Variants in BSN observed in about 807,000 individuals in gnomAD.
BSN encodes the protein protein bassoon.
BSN carries 57 observed loss-of-function variants against 264.8 expected under a neutral mutation model. The ratio of observed to expected loss-of-function variants is 0.22; its 90% confidence interval spans 0.17 to 0.27. The LOEUF (loss-of-function observed/expected upper bound fraction) is 0.27, where lower values mean the gene tolerates loss of function less well. Among genes scored for constraint, BSN ranks in the 10% least tolerant of loss-of-function variants. The probability of loss-of-function intolerance (pLI) is 1.00; values close to 1 mark genes in which losing one functional copy is unlikely to be tolerated. For missense variants in BSN, 4,615 were observed against 5,232.5 expected (o/e 0.88, Z 3.64); for synonymous variants, 2,059 against 2,137.3 (o/e 0.96, Z 1.01).
In BSN at chr3:49,657,064, C is replaced by A. The variant is rs777499886; in HGVS notation, c.7508C>A (p.Pro2503His). 7.5e-6 allele frequency: 12 copies of A among 1,609,412 alleles called. No homozygotes were observed. Among genetic ancestry groups the A allele is most frequent in the African/African-American group, 1.3e-5 (1 of 74,870 alleles). Residue 2503 changes from proline (P) to histidine (H), a missense_variant, in exon 5 of 12, where the codon CCC (proline) becomes CAC (histidine). Physicochemically the swap from Pro to His is moderately conservative, Grantham distance 77. Transcript: ENST00000296452. ...TTGGCCCAGAATGGCCAGTATTGGC[C>A]CCCCCTTACACATGCAGCCTTCATT... ...AELAQNGQYWPPLTHAAFIAM... is the reference protein window; with the variant it reads ...AELAQNGQYWHPLTHAAFIAM...
intron 2 of BSN, chr3:49,640,782 G>A (rs190241740): frequency 6.6e-6 from 1 of 152,410 alleles, no homozygotes; most frequent in Admixed American, 6.5e-5. Context: ...TTACAGGTGT[G>A]AGCCACCGCA....
At chr3:49,662,617 T>A in intron 6 of BSN, 55 bp downstream of exon 6, 1 of 1,539,808 alleles carries the variant, frequency 6.5e-7, no homozygotes, top group Non-Finnish European at 8.7e-7. Flanking sequence ...GGGGCCTGCC[T>A]ACCTGTGGGG....
At position 49,665,218 on chromosome 3, in the gene BSN, A is replaced by C. The variant is rs1386948424; in HGVS notation, c.*15-11A>C. The C allele has an allele frequency of 4.6e-5, 9 of 197,302 alleles. No individual in the cohort carries two copies. Among genetic ancestry groups the C allele is most frequent in the Non-Finnish European group, 7.2e-5 (7 of 97,608 alleles). The allele number at this position is 197,302 out of a possible 1,614,324, so 12.2% of individuals were successfully genotyped here. A position where few individuals can be genotyped will look rare whatever the true frequency, so the allele number is the denominator to read the frequency against. On this transcript the variant is annotated splice_polypyrimidine_tract_variant and intron_variant, in intron 10 of 11. Transcript: ENST00000296452. ...CAACTCCTCTCCAGCCCTCCTCTAA[A>C]TGCTCCACAGGCTCTTGAAGAAATG...
chr3:49,562,774 G>C (rs1259428170), intron 1 of BSN, among the ~76,000 whole-genome samples: 1 of 152,192 alleles, frequency 6.6e-6, no homozygotes, highest in Non-Finnish European at 1.5e-5. Flanking sequence ...GAGTGGGAAA[G>C]GGTCAGAAAG....
intron 3 of BSN, among the ~76,000 whole-genome samples, chr3:49,648,453 G>GCT (rs1247252760): frequency 5.9e-5 from 9 of 152,210 alleles, no homozygotes; most frequent in Admixed American, 5.9e-4. Context: ...CATTTCCAGA[G>GCT]CTCTCTCTCT....
chr3:49,588,269 T>A (rs2051951387), intron 1 of BSN, among the ~76,000 whole-genome samples: 1 of 152,102 alleles, frequency 6.6e-6, no homozygotes, highest in Non-Finnish European at 1.5e-5. Flanking sequence ...CAAATTGACC[T>A]TAGGTTCCCT....
At chr3:49,574,445 C>CT (rs2051825033) in intron 1 of BSN, among the ~76,000 whole-genome samples, 1 of 151,842 alleles carries the variant, frequency 6.6e-6, no homozygotes, top group Non-Finnish European at 1.5e-5. Flanking sequence ...CACATGGTAG[C>CT]TTTTTTCAGG....
Position 49,661,332 on chromosome 3 carries a change from G to T in BSN, c.9487G>T (p.Val3163Leu). 2 of 1,613,966 alleles carry T rather than the reference G, an allele frequency of 1.2e-6. No individual in the cohort carries two copies. The highest frequency in any genetic ancestry group is 1.7e-6 in the Non-Finnish European group (2 of 1,180,042). Residue 3163 changes from valine to leucine, a missense_variant, in exon 6 of 12, where the codon GTG becomes TTG. By Grantham distance (32) the Val-to-Leu change is conservative. Coordinates refer to ENST00000296452, the MANE Select transcript of BSN (RefSeq NM_003458.4). ...GCAGAAGGTGCCCACCAACTATGAG[G>T]TGATCGCCAGCCCCGTTGTGCCCAT... ...LEQKVPTNYE[V>L]IASPVVPMSS...
chr3:49,577,474 C>T (rs1352418926), intron 1 of BSN, among the ~76,000 whole-genome samples: 5 of 152,016 alleles, frequency 3.3e-5, no homozygotes, highest in African/African-American at 7.2e-5. Context: ...CAGGCCAGGT[C>T]CTAGCCTTGC....
chr3:49,651,640 G>T lies in BSN; in HGVS notation c.2084G>T (p.Ser695Ile). 1 of 1,614,182 alleles carries T rather than the reference G, an allele frequency of 6.2e-7. No individual in the cohort carries two copies. Among genetic ancestry groups the T allele is most frequent in the Non-Finnish European group, 8.5e-7 (1 of 1,180,032 alleles). ...YSSDGISSSQSEITGVVQQEV... is the reference protein window; with the variant it reads ...YSSDGISSSQIEITGVVQQEV... Reference sequence around the variant, plus strand: ...TCTGACGGCATCTCTAGCTCCCAGAGTGAGATCACAGGAGTCGTGCAGCAG... The same window carrying T: ...TCTGACGGCATCTCTAGCTCCCAGATTGAGATCACAGGAGTCGTGCAGCAG... The change falls in exon 5 of 12, where the codon AGT becomes ATT. Residue 695 changes from serine (S) to isoleucine (I), a missense_variant. Around this residue, in one of 3 missense-constraint regions of BSN, gnomAD observed 1,197 missense variants for 1,348.0 expected, o/e 0.89. Coordinates refer to ENST00000296452, the MANE Select transcript of BSN (RefSeq NM_003458.4). The surrounding 1 kb of genome is among the most constrained non-coding windows in gnomAD (Gnocchi z 5.4).
At chr3:49,622,753 A>G (rs1228675652) in intron 1 of BSN, among the ~76,000 whole-genome samples, 1 of 152,216 alleles carries the variant, frequency 6.6e-6, no homozygotes, top group Non-Finnish European at 1.5e-5. Context: ...TTTCTTTAGG[A>G]TACCTAGAAA....
At chr3:49,635,791 A>G (rs997698054) in intron 2 of BSN, among the ~76,000 whole-genome samples, 2 of 152,102 alleles carry the variant, frequency 1.3e-5, no homozygotes, top group Non-Finnish European at 2.9e-5. Flanking sequence ...CCTGAGTAAC[A>G]TGGCAAAACC....
At chr3:49,584,476 T>C (rs1161302409) in intron 1 of BSN, among the ~76,000 whole-genome samples, 2 of 152,134 alleles carry the variant, frequency 1.3e-5, no homozygotes, top group African/African-American at 2.4e-5. Context: ...CTTTTTTGTT[T>C]TATTTTCTAT....
At chr3:49,569,899 G>A (rs530340685) in intron 1 of BSN, among the ~76,000 whole-genome samples, 4 of 152,288 alleles carry the variant, frequency 2.6e-5, no homozygotes, top group East Asian at 1.9e-4. Context: ...TGGGACAGGC[G>A]CCCCTTGACA....
In BSN at chr3:49,651,318, C is replaced by T; in HGVS notation, c.1987-225C>T. The T allele has an allele frequency of 1.6e-6, 1 of 640,336 alleles. No individual in the cohort carries two copies. Among genetic ancestry groups the T allele is most frequent in the East Asian group, 2.8e-5 (1 of 35,366 alleles). The allele number at this position is 640,336 out of a possible 1,614,324, so 39.7% of individuals were successfully genotyped here. On this transcript the variant is annotated intron_variant, in intron 4 of 11. Coordinates refer to ENST00000296452, the MANE Select transcript of BSN (RefSeq NM_003458.4). This position sits in a 1 kb window ranked among gnomAD's most constrained non-coding sequence, Gnocchi z 5.4. ...AGATGCTTTGCTGGGTTTTGATACC[C>T]TTTGATCTAGTAAAGTTTCTCTTTG...
chr3:49,654,858 C>T lies in BSN; in HGVS notation c.5302C>T (p.Pro1768Ser). The T allele has an allele frequency of 6.2e-7, 1 of 1,613,512 alleles. No homozygotes were observed. The highest frequency in any genetic ancestry group is 8.5e-7 in the Non-Finnish European group (1 of 1,180,000). The change falls in exon 5 of 12, where the codon CCT becomes TCT. Residue 1768 changes from proline to serine, a missense_variant. Around this residue, in one of 3 missense-constraint regions of BSN, gnomAD observed 3,415 missense variants for 3,866.4 expected, o/e 0.88. Coordinates refer to ENST00000296452, the MANE Select transcript of BSN (RefSeq NM_003458.4). The surrounding 1 kb of genome is among the most constrained non-coding windows in gnomAD (Gnocchi z 4.1). ...RLDFGQGGGS[P>S]VCLAQVKQVE... ...TGACTTTGGCCAGGGTGGGGGTAGC[C>T]CTGTGTGCCTGGCCCAGGTCAAACA...
intron 1 of BSN, among the ~76,000 whole-genome samples, chr3:49,556,759 G>A (rs1459908203): frequency 6.6e-6 from 1 of 152,190 alleles, no homozygotes; most frequent in Non-Finnish European, 1.5e-5. Flanking sequence ...GATACCTGAT[G>A]CCAAATTTAG....
chr3:49,629,300 G>A (rs1015462227), intron 2 of BSN, among the ~76,000 whole-genome samples: 1 of 152,230 alleles, frequency 6.6e-6, no homozygotes, highest in Admixed American at 6.5e-5. Flanking sequence ...TGACTTACAT[G>A]TGGGCCCGCC....
chr3:49,672,058 TA>T (rs2052782919), downstream of BSN, among the ~76,000 whole-genome samples: 3 of 119,302 alleles, frequency 2.5e-5, no homozygotes, highest in Admixed American at 1.0e-4. Flanking sequence ...TTAACACAGA[TA>T]AACAGGAATC....
Sources: allele counts gnomAD v4.1 joint callset (sites outside exome capture counted in the v4.1 genomes callset), GRCh38; gene constraint gnomAD v4.1.1; regional missense constraint gnomAD v4.1.1; non-coding constraint Gnocchi (gnomAD v3.1); transcripts MANE v1.5; gene names NCBI Gene and HGNC (gene_info 2026-07-23, HGNC 2026-07-21).